The following CHST15 variants were observed in gnomAD, a reference collection of about 807,000 sequenced individuals.
The protein encoded by CHST15 is carbohydrate sulfotransferase 15, also known as B cell RAG associated protein (GALNAC4S-6ST).
In CHST15, 30 loss-of-function variants were observed where a neutral mutation model predicts 53.6. The observed-to-expected ratio is 0.56, with a 90% CI of 0.42 to 0.76. The LOEUF is 0.76. Among genes scored for constraint, CHST15 ranks in the 30% least tolerant of loss-of-function variants. The pLI is 0.00. For missense variants in CHST15, 627 were observed against 740.5 expected (o/e 0.85, Z 1.78); for synonymous variants, 296 against 289.8 (o/e 1.02, Z -0.22).
intron 6 of CHST15, among the ~76,000 whole-genome samples, chr10:124,016,704 C>T (rs1483015687): frequency 1.3e-5 from 2 of 152,140 alleles, no homozygotes; most frequent in African/African-American, 2.4e-5. Context: ...GAGAACTAAC[C>T]TCTGTGAGCC....
At chr10:124,062,646 C>T (rs1353259704) in intron 1 of CHST15, among the ~76,000 whole-genome samples, 2 of 152,118 alleles carry the variant, frequency 1.3e-5, no homozygotes, top group African/African-American at 4.8e-5. Context: ...TTTTTCTTTC[C>T]TCCCTCCCGT....
At chr10:124,016,128 G>A (rs1190952922) in intron 6 of CHST15, among the ~76,000 whole-genome samples, 1 of 152,128 alleles carries the variant, frequency 6.6e-6, no homozygotes, top group Admixed American at 6.5e-5. Context: ...CAGGCTCACT[G>A]GCCCCTCTGA....
intron 1 of CHST15, among the ~76,000 whole-genome samples, chr10:124,057,164 G>A (rs779993720): frequency 4.6e-5 from 7 of 152,322 alleles, no homozygotes; most frequent in East Asian, 3.9e-4. Context: ...CTGTTTCTCC[G>A]TATATAAGAT....
intron 1 of CHST15, among the ~76,000 whole-genome samples, chr10:124,062,546 C>T (rs1048275455): frequency 5.3e-5 from 8 of 152,124 alleles, no homozygotes; most frequent in South Asian, 2.1e-4. Flanking sequence ...GGAGATTAGA[C>T]GGGAAAATCC....
chr10:124,020,993 T>A, intron 6 of CHST15: 2 of 1,419,016 alleles, frequency 1.4e-6, no homozygotes, highest in South Asian at 1.6e-5. Flanking sequence ...GTAATCTTCC[T>A]AAAGGCACCC....
chr10:124,081,683 G>T (rs1949245425), intron 1 of CHST15, among the ~76,000 whole-genome samples: 1 of 152,152 alleles, frequency 6.6e-6, no homozygotes, highest in Non-Finnish European at 1.5e-5. Context: ...CCTCATCAGA[G>T]CTAAATGGTG....
chr10:124,053,550 G>A lies in CHST15; in HGVS notation c.-512-6826C>T, dbSNP rs534489527. ...ACTCTGTTGCTCAGGCTGGAGCGCAGTGGTGTGATCTCTACTCACTGCAAC... is the reference window on the plus strand; with the variant it reads ...ACTCTGTTGCTCAGGCTGGAGCGCAATGGTGTGATCTCTACTCACTGCAAC... On this transcript the variant is annotated intron_variant, in intron 1 of 7. Coordinates refer to ENST00000435907, the MANE Select transcript of CHST15 (RefSeq NM_001270764.2). Among the ~76,000 whole-genome samples, 236 of 151,454 alleles carry A rather than the reference G, an allele frequency of 1.6e-3. 2 individuals carry two copies. Among genetic ancestry groups the A allele is most frequent in the African/African-American group, 5.4e-3 (222 of 41,242 alleles).
At chr10:124,058,642 G>A (rs965083763) in intron 1 of CHST15, among the ~76,000 whole-genome samples, 7 of 152,200 alleles carry the variant, frequency 4.6e-5, no homozygotes, top group Admixed American at 6.5e-5. Context: ...CCGGCCACCC[G>A]TCTCCCTTGT....
At chr10:124,027,492 G>GA (rs1441549666) in intron 5 of CHST15, among the ~76,000 whole-genome samples, 4 of 152,204 alleles carry the variant, frequency 2.6e-5, no homozygotes, top group Admixed American at 6.5e-5. Context: ...GTGCTGTTCT[G>GA]AGCCAGCGAG....
intron 5 of CHST15, among the ~76,000 whole-genome samples, chr10:124,023,495 A>AC (rs1946871046): frequency 6.6e-6 from 1 of 151,710 alleles, no homozygotes. Flanking sequence ...CAAAAAAAAA[A>AC]AAAAGAGGTG....
intron 5 of CHST15, among the ~76,000 whole-genome samples, chr10:124,037,795 T>C (rs546554222): frequency 9.3e-4 from 142 of 152,354 alleles, no homozygotes; most frequent in African/African-American, 3.3e-3. Flanking sequence ...AGCTGGAAAC[T>C]GTACATTCAA....
At chr10:124,011,898 T>C in intron 7 of CHST15, 5 of 971,100 alleles carry the variant, frequency 5.1e-6, no homozygotes, top group Non-Finnish European at 6.1e-6. Flanking sequence ...CCCGGTGACA[T>C]CCTGTTGGTC....
At chr10:124,071,502 C>A (rs188458826) in intron 1 of CHST15, among the ~76,000 whole-genome samples, 1 of 152,338 alleles carries the variant, frequency 6.6e-6, no homozygotes, top group Admixed American at 6.5e-5. Flanking sequence ...AGAGTGTGAG[C>A]CCATACCTAG....
intron 4 of CHST15, 51 bp from the exon 5 acceptor site, chr10:124,038,722 C>A: frequency 1.3e-6 from 2 of 1,595,046 alleles, no homozygotes; most frequent in Non-Finnish European, 1.7e-6. Context: ...CAGGCTCCCA[C>A]GGAGTGGCTC....
intron 1 of CHST15, among the ~76,000 whole-genome samples, chr10:124,084,619 C>T (rs1384737332): frequency 1.3e-5 from 2 of 152,148 alleles, no homozygotes; most frequent in African/African-American, 4.8e-5. Context: ...AGCTAAACAG[C>T]CCCCAGGAAT....
intron 5 of CHST15, among the ~76,000 whole-genome samples, chr10:124,037,488 T>C: frequency 6.6e-6 from 1 of 152,160 alleles, no homozygotes; most frequent in South Asian, 2.1e-4. Context: ...ACACTGGCCA[T>C]CTTGCGCGGA....
rs1246670334 is a variant in CHST15, at chr10:124,044,670, T to A, written c.796A>T (p.Thr266Ser). ...FYIIGQPKCG[T>S]TDLYDRLRLH... Reference sequence around the variant, plus strand: ...CGCAGGCGGTCATAGAGGTCTGTGGTCCCGCACTTGGGCTGCCCTATGATG... The same window carrying A: ...CGCAGGCGGTCATAGAGGTCTGTGGACCCGCACTTGGGCTGCCCTATGATG... The change falls in exon 3 of 8, where the codon ACC (threonine) becomes TCC (serine). Residue 266 changes from threonine to serine, a missense_variant. Thr to Ser is a moderately conservative substitution (Grantham distance 58). This residue lies in a region of CHST15 where 161 missense variants were observed against 117.2 expected (regional missense o/e 1.37). Transcript: ENST00000435907. 1.2e-6 allele frequency: 2 copies of A among 1,613,282 alleles called. No homozygotes were observed. Among genetic ancestry groups the A allele is most frequent in the Non-Finnish European group, 8.5e-7 (1 of 1,179,686 alleles).
rs758243657 is a variant in CHST15, at chr10:124,045,112, C to CAAAAAAAAAAAAAA, written c.547-207_547-194dup. On this transcript the variant is annotated intron_variant, in intron 2 of 7. Coordinates refer to ENST00000435907, the MANE Select transcript of CHST15 (RefSeq NM_001270764.2). ...TGCTTTCCTCTCCCCCGCCGCCCCACAAAAAAAAAAAAAAAAAAAAAAAAA... is the reference window on the plus strand; with the variant it reads ...TGCTTTCCTCTCCCCCGCCGCCCCACAAAAAAAAAAAAAAAAAAAAAAAAAAAAAAAAAAAAAAA... Among the ~76,000 whole-genome samples, 123 of 33,718 alleles carry CAAAAAAAAAAAAAA rather than the reference C, an allele frequency of 3.6e-3. 2 individuals are homozygous for CAAAAAAAAAAAAAA. The highest frequency in any genetic ancestry group is 6.0e-3 in the Non-Finnish European group (87 of 14,556). 22.1% of individuals were successfully genotyped at this position (33,718 alleles called of 152,430 possible).
chr10:124,008,018 G>A lies in CHST15; in HGVS notation c.*2131C>T. The A allele has an allele frequency of 3.2e-6, 4 of 1,232,050 alleles. No individual in the cohort carries two copies. Among genetic ancestry groups the A allele is most frequent in the Non-Finnish European group, 4.0e-6 (4 of 987,970 alleles). The allele number at this position is 1,232,050 out of a possible 1,614,324, so 76.3% of individuals were successfully genotyped here. On this transcript the variant is annotated 3_prime_UTR_variant, in exon 8 of 8. Coordinates refer to ENST00000435907, the MANE Select transcript of CHST15 (RefSeq NM_001270764.2). ...GCCCCTGGAGGGAAAAACCATGTCTGGATGGCATTGAGTGGCACAGAAGGG... is the reference window on the plus strand; with the variant it reads ...GCCCCTGGAGGGAAAAACCATGTCTAGATGGCATTGAGTGGCACAGAAGGG...
Sources: gnomAD v4.1 joint callset for allele counts (sites outside exome capture counted in the v4.1 genomes callset) on GRCh38, gnomAD v4.1.1 for gene constraint, gnomAD v4.1.1 regional missense constraint, MANE v1.5 for transcripts, NCBI Gene and HGNC (gene_info 2026-07-23, HGNC 2026-07-21) for gene names.